The following EFHC2 variants were observed in gnomAD, a reference collection of about 807,000 sequenced individuals.
The protein encoded by EFHC2 is EF-hand domain containing 2.
Under a neutral mutation model 52.7 loss-of-function variants are expected in EFHC2, and 18 were observed. The observed-to-expected ratio is 0.34, with a 90% CI of 0.24 to 0.51. The LOEUF is 0.51. Among genes scored for constraint, EFHC2 ranks in the 20% least tolerant of loss-of-function variants. The probability of loss-of-function intolerance (pLI) is 0.97; values close to 1 mark genes in which losing one functional copy is unlikely to be tolerated. For synonymous variants in EFHC2, 203 were observed against 204.1 expected, an observed-to-expected ratio of 0.99 and a Z score of 0.04; for missense variants, 513 against 562.5, an observed-to-expected ratio of 0.91 and a Z score of 0.89.
At chrX:44,312,783 T>C (rs902885809) in intron 1 of EFHC2, 27 bp from the exon 2 acceptor site, 2 of 1,137,208 alleles carry the variant, frequency 1.8e-6, no homozygotes, top group Non-Finnish European at 2.3e-6. Context: ...CAACATAAAA[T>C]AGCCAAAGTT....
intron 11 of EFHC2, among the ~76,000 whole-genome samples, chrX:44,218,055 G>A (rs2037165206): frequency 9.0e-6 from 1 of 111,365 alleles, no homozygotes; most frequent in Non-Finnish European, 1.9e-5. Context: ...AAGAAGAAGG[G>A]TCAAGTTCAC....
chrX:44,340,724 T>A (rs928046115), intron 1 of EFHC2, among the ~76,000 whole-genome samples: 5 of 111,600 alleles, frequency 4.5e-5, no homozygotes, highest in Admixed American at 1.9e-4. Flanking sequence ...ACATGCTCAA[T>A]TTCATTAGGA....
chrX:44,164,583 G>C (rs762826426), intron 13 of EFHC2, among the ~76,000 whole-genome samples: 6 of 111,795 alleles, frequency 5.4e-5, no homozygotes, highest in Non-Finnish European at 7.5e-5. Flanking sequence ...TTGATACACG[G>C]TTAAGTAGAA....
chrX:44,176,409 CT>C (rs1403546933), intron 12 of EFHC2, 25 bp from the exon 13 acceptor site: 9 of 1,023,873 alleles, frequency 8.8e-6, no homozygotes, highest in African/African-American at 1.9e-5. Flanking sequence ...CGTAAATGAG[CT>C]TTTATATACC....
intron 13 of EFHC2, among the ~76,000 whole-genome samples, chrX:44,166,898 C>T (rs1379106331): frequency 9.0e-6 from 1 of 111,681 alleles, no homozygotes; most frequent in Non-Finnish European, 1.9e-5. Flanking sequence ...CCACTATTGT[C>T]TCTCATCTGG....
intron 11 of EFHC2, among the ~76,000 whole-genome samples, chrX:44,227,673 C>T (rs1009017101): frequency 2.7e-5 from 3 of 111,579 alleles, no homozygotes; most frequent in Non-Finnish European, 5.6e-5. Context: ...ATAGATACCC[C>T]ACCCCCAAGT....
At chrX:44,273,135 A>G (rs1381159585) in intron 2 of EFHC2, among the ~76,000 whole-genome samples, 1 of 112,842 alleles carries the variant, frequency 8.9e-6, no homozygotes, top group Non-Finnish European at 1.9e-5. Flanking sequence ...GGGATTTCAC[A>G]GTGGGATTCT....
chrX:44,163,166 A>G (rs1389342716), intron 14 of EFHC2, among the ~76,000 whole-genome samples: 1 of 112,066 alleles, frequency 8.9e-6, no homozygotes, highest in Admixed American at 9.5e-5. Flanking sequence ...GAGGCACTAG[A>G]CCAGCTCCAG....
intron 11 of EFHC2, among the ~76,000 whole-genome samples, chrX:44,216,211 T>A (rs923596331): frequency 5.3e-5 from 6 of 112,476 alleles, no homozygotes; most frequent in Non-Finnish European, 1.1e-4. Flanking sequence ...ATTTTGCTAT[T>A]TTCATGGTTT....
At chrX:44,285,591 G>A (rs1209242860) in intron 2 of EFHC2, 1 of 113,606 alleles carries the variant, frequency 8.8e-6, no homozygotes, top group African/African-American at 3.2e-5. Context: ...CAAAACCTAA[G>A]TGATAACCTG....
chrX:44,148,931 C>A lies in EFHC2; in HGVS notation c.2149-35G>T, dbSNP rs767649572. ...AACCAAAAATGGATATGATTAGAAC[C>A]ACATTTCAAAGTACAGTTTTGAAAA... On this transcript the variant is annotated intron_variant, in intron 14 of 14. Transcript: ENST00000420999. 9 of 1,094,303 alleles carry A rather than the reference C, an allele frequency of 8.2e-6. No homozygotes were observed. The East Asian group carries it at 3.0e-4, about 36-fold the overall frequency. 90.2% of individuals were successfully genotyped at this position (1,094,303 alleles called of 1,213,427 possible).
rs374262479 is a variant in EFHC2, at chrX:44,261,264, C to A, written c.417G>T (p.Pro139=). 3 of 1,197,073 alleles carry A rather than the reference C, an allele frequency of 2.5e-6. No individual in the cohort carries two copies. Among genetic ancestry groups the A allele is most frequent in the African/African-American group, 1.7e-5 (1 of 57,499 alleles). ...TATAAAACTGATCCTCATCAGGAGG[C>A]GGAAGAGTAATCCGATGACGCCGGA... The part of the protein sequence containing the change: ...TSIRRHRITL[P]PPDEDQFYTV... The change falls in exon 4 of 15, where the codon CCG becomes CCT. Residue 139 remains proline (P), a synonymous_variant. Coordinates refer to ENST00000420999, the MANE Select transcript of EFHC2 (RefSeq NM_025184.4).
intron 13 of EFHC2, among the ~76,000 whole-genome samples, chrX:44,174,192 C>T (rs1283735414): frequency 9.0e-6 from 1 of 111,612 alleles, no homozygotes; most frequent in Non-Finnish European, 1.9e-5. Flanking sequence ...ATCCTCTGAA[C>T]CACTAGGAAA....
intron 11 of EFHC2, among the ~76,000 whole-genome samples, chrX:44,209,015 C>T (rs1023814691): frequency 1.7e-4 from 15 of 87,797 alleles, no homozygotes; most frequent in Non-Finnish European, 3.1e-4. Context: ...GGTTGATTGG[C>T]AATCTGTGTG....
chrX:44,296,692 A>G (rs754347457), intron 2 of EFHC2, among the ~76,000 whole-genome samples: 2 of 112,133 alleles, frequency 1.8e-5, no homozygotes, highest in Non-Finnish European at 3.8e-5. Context: ...AATAATTTAA[A>G]AGGTAGTTAT....
rs767913303 is a variant in EFHC2 at position 44,279,027 on chromosome X, C to A, written c.232-6191G>T. 2.7e-5 allele frequency among the ~76,000 whole-genome samples: 3 copies of A among 112,145 alleles called. No individual in the cohort carries two copies. In the East Asian group the frequency reaches 8.4e-4, roughly 32 times the overall value. On this transcript the variant is annotated intron_variant, in intron 2 of 14. Transcript: ENST00000420999. ...TCTGAAACATAGCCAGAGTTTAGAA[C>A]CAGTGAGCAATGATTCAAACAAAAG...
At chrX:44,316,857 A>G (rs1343161640) in intron 1 of EFHC2, among the ~76,000 whole-genome samples, 2 of 112,256 alleles carry the variant, frequency 1.8e-5, no homozygotes, top group South Asian at 3.7e-4. Flanking sequence ...TGAGACTGTC[A>G]CCACGACAGT....
intron 11 of EFHC2, among the ~76,000 whole-genome samples, chrX:44,227,660 C>T (rs1412350634): frequency 2.7e-5 from 3 of 111,674 alleles, no homozygotes; most frequent in Admixed American, 1.9e-4. Flanking sequence ...ACAGCACATA[C>T]ACATAGATAC....
chrX:44,261,754 C>CAAAA (rs769527844), intron 3 of EFHC2, among the ~76,000 whole-genome samples: 3 of 32,449 alleles, frequency 9.2e-5, no homozygotes, highest in Non-Finnish European at 1.2e-4. Context: ...ACTCATGGCT[C>CAAAA]AAAAAAAAAA....
Sources: allele counts gnomAD v4.1 joint callset (sites outside exome capture counted in the v4.1 genomes callset), GRCh38; gene constraint gnomAD v4.1.1; transcripts MANE v1.5; gene names NCBI Gene and HGNC (gene_info 2026-07-23, HGNC 2026-07-21).